The following ADAMTSL1 variants were observed in gnomAD, a reference collection of about 807,000 sequenced individuals.
The protein encoded by ADAMTSL1 is ADAMTS like 1, also known as ADAMTS-like protein 1.
A neutral mutation model predicts 201.8 loss-of-function variants in ADAMTSL1; 126 were observed. The observed-to-expected ratio is 0.62, with a 90% CI of 0.54 to 0.72. The LOEUF is 0.72. Among genes scored for constraint, ADAMTSL1 ranks in the 30% least tolerant of loss-of-function variants. The pLI is 0.00. For missense variants in ADAMTSL1, 2,679 were observed against 2,277.8 expected (o/e 1.18, Z -3.59); for synonymous variants, 1,121 against 903.4 (o/e 1.24, Z -4.32).
At chr9:17,948,098 A>G in intron 1 of ADAMTSL1, among the ~76,000 whole-genome samples, 1 of 152,142 alleles carries the variant, frequency 6.6e-6, no homozygotes, top group East Asian at 1.9e-4. Flanking sequence ...ATGGAAACTC[A>G]GTGCTTAATT....
At chr9:18,599,929 G>T (rs1488498313) in intron 4 of ADAMTSL1, among the ~76,000 whole-genome samples, 4 of 138,908 alleles carry the variant, frequency 2.9e-5, no homozygotes, top group African/African-American at 5.4e-5. Context: ...GAGGCGGGCA[G>T]ATCAGAAGGT....
intron 24 of ADAMTSL1, among the ~76,000 whole-genome samples, chr9:18,888,948 C>A (rs943551468): frequency 5.9e-5 from 9 of 152,150 alleles, no homozygotes; most frequent in African/African-American, 9.7e-5. Flanking sequence ...GAAGCCAGGG[C>A]CTATTTGCAA....
rs941916147 is a variant in ADAMTSL1, at chr9:18,682,067, A to T, written c.1489+108A>T. 3.9e-6 allele frequency: 5 copies of T among 1,270,020 alleles called. No individual in the cohort carries two copies. The African/African-American group carries it at 6.0e-5, about 15-fold the overall frequency. The allele number at this position is 1,270,020 out of a possible 1,614,324, so 78.7% of individuals were successfully genotyped here. A position where few individuals can be genotyped will look rare whatever the true frequency, so the allele number is the denominator to read the frequency against. On this transcript the variant is annotated intron_variant, in intron 12 of 28. Transcript: ENST00000380548. ...AGTATCCCAAGTATTCTTAGTAAGA[A>T]TTCTTTATAACTTAAACTCTACTAA...
At chr9:18,724,964 T>G (rs1399918251) in intron 15 of ADAMTSL1, among the ~76,000 whole-genome samples, 2 of 151,834 alleles carry the variant, frequency 1.3e-5, no homozygotes, top group African/African-American at 4.8e-5. Context: ...TGTAGTGCAG[T>G]GGTGAGATCT....
chr9:18,327,406 G>T (rs1445250600), intron 2 of ADAMTSL1, among the ~76,000 whole-genome samples: 1 of 152,192 alleles, frequency 6.6e-6, no homozygotes, highest in Non-Finnish European at 1.5e-5. Flanking sequence ...TTATTTTGGG[G>T]TATTTAGAAG....
chr9:18,322,761 G>A (rs1405192948), intron 2 of ADAMTSL1, among the ~76,000 whole-genome samples: 5 of 152,024 alleles, frequency 3.3e-5, no homozygotes, highest in Non-Finnish European at 1.5e-5. Context: ...TAGATCCATA[G>A]ATAGTAAAAT....
At chr9:18,046,516 C>T (rs778710565) in intron 1 of ADAMTSL1, among the ~76,000 whole-genome samples, 14 of 152,164 alleles carry the variant, frequency 9.2e-5, no homozygotes, top group Non-Finnish European at 1.8e-4. Context: ...CACCTGGTTA[C>T]ATCTAGCTGC....
At chr9:18,686,937 T>TA (rs1237448734) in intron 13 of ADAMTSL1, among the ~76,000 whole-genome samples, 2 of 152,208 alleles carry the variant, frequency 1.3e-5, no homozygotes, top group African/African-American at 2.4e-5. Flanking sequence ...TTAAAGTAGT[T>TA]AAAAAAGTTT....
At chr9:18,707,683 T>C (rs1056908386) in intron 14 of ADAMTSL1, among the ~76,000 whole-genome samples, 5 of 152,236 alleles carry the variant, frequency 3.3e-5, no homozygotes, top group Admixed American at 6.5e-5. Flanking sequence ...TTCCTTTCTC[T>C]GCCTGGAGCC....
intron 14 of ADAMTSL1, among the ~76,000 whole-genome samples, chr9:18,713,414 G>A (rs1832729020): frequency 2.0e-5 from 3 of 152,164 alleles, no homozygotes; most frequent in Admixed American, 2.0e-4. Context: ...GATCTACCAA[G>A]CAAGTGGAAA....
intron 9 of ADAMTSL1, among the ~76,000 whole-genome samples, chr9:18,664,421 C>T (rs1028633359): frequency 3.9e-5 from 6 of 151,972 alleles, no homozygotes; most frequent in Non-Finnish European, 7.4e-5. Context: ...ATAGTAAAAT[C>T]GAGAGTGAAC....
At chr9:18,800,442 T>C (rs758909271) in intron 20 of ADAMTSL1, among the ~76,000 whole-genome samples, 1 of 138,702 alleles carries the variant, frequency 7.2e-6, no homozygotes, top group Non-Finnish European at 1.5e-5. Context: ...CTGGGCCACA[T>C]GGTAATAGCG....
chr9:18,091,867 G>A (rs1275360635), intron 1 of ADAMTSL1, among the ~76,000 whole-genome samples: 1 of 152,076 alleles, frequency 6.6e-6, no homozygotes, highest in Non-Finnish European at 1.5e-5. Context: ...TTGTGAGTGA[G>A]TGAGTGAGTG....
chr9:18,529,583 C>G (rs562876873), intron 2 of ADAMTSL1, among the ~76,000 whole-genome samples: 19 of 152,184 alleles, frequency 1.2e-4, no homozygotes, highest in African/African-American at 4.3e-4. Flanking sequence ...CGCAGAATAC[C>G]TAACACTGGG....
intron 4 of ADAMTSL1, among the ~76,000 whole-genome samples, chr9:18,605,351 T>C (rs973245723): frequency 1.3e-5 from 2 of 152,194 alleles, no homozygotes; most frequent in Non-Finnish European, 2.9e-5. Context: ...TTTTCCCTAA[T>C]ATCCAATTAG....
intron 1 of ADAMTSL1, among the ~76,000 whole-genome samples, chr9:17,981,888 C>G (rs1818718329): frequency 6.6e-6 from 1 of 152,092 alleles, no homozygotes; most frequent in South Asian, 2.1e-4. Context: ...GCTATTTGGG[C>G]ACCTATTTAG....
intron 23 of ADAMTSL1, among the ~76,000 whole-genome samples, chr9:18,830,408 T>C (rs112687104): frequency 6.6e-6 from 1 of 152,110 alleles, no homozygotes; most frequent in African/African-American, 2.4e-5. Context: ...AAGTCAAATA[T>C]CAGCACCCTC....
At chr9:18,186,253 A>G (rs1327624023) in intron 2 of ADAMTSL1, among the ~76,000 whole-genome samples, 1 of 152,184 alleles carries the variant, frequency 6.6e-6, no homozygotes, top group Non-Finnish European at 1.5e-5. Context: ...TGGTCTGTGA[A>G]ACAGCTAGTA....
At chr9:18,295,047 C>T (rs1367735795) in intron 2 of ADAMTSL1, among the ~76,000 whole-genome samples, 1 of 152,104 alleles carries the variant, frequency 6.6e-6, no homozygotes, top group African/African-American at 2.4e-5. Flanking sequence ...CACTCACATC[C>T]CATTTCCTCT....
Sources: allele counts gnomAD v4.1 joint callset (sites outside exome capture counted in the v4.1 genomes callset), GRCh38; gene constraint gnomAD v4.1.1; transcripts MANE v1.5; gene names NCBI Gene and HGNC (gene_info 2026-07-23, HGNC 2026-07-21).